Variants in IBTK observed in about 807,000 individuals in gnomAD.
IBTK encodes BTK-binding protein.
Under a neutral mutation model 154.9 loss-of-function variants are expected in IBTK, and 83 were observed. The ratio of observed to expected loss-of-function variants is 0.54; its 90% CI spans 0.45 to 0.64. The LOEUF is 0.64. Among genes scored for constraint, IBTK ranks in the 30% least tolerant of loss-of-function variants. The probability of loss-of-function intolerance (pLI) is 0.00; values close to 1 mark genes in which losing one functional copy is unlikely to be tolerated. For synonymous variants in IBTK, 515 were observed against 536.1 expected (o/e 0.96, Z 0.54); for missense variants, 1,332 against 1,584.6 (o/e 0.84, Z 2.71).
At chr6:82,207,044 T>C (rs538690719) in intron 16 of IBTK, among the ~76,000 whole-genome samples, 1 of 152,268 alleles carries the variant, frequency 6.6e-6, no homozygotes, top group South Asian at 2.1e-4. Context: ...CAACCACTGT[T>C]GCCACTTCTA....
intron 25 of IBTK, among the ~76,000 whole-genome samples, chr6:82,186,812 A>G (rs1768573838): frequency 2.0e-5 from 3 of 152,142 alleles, no homozygotes; most frequent in Non-Finnish European, 4.4e-5. Context: ...GTACTAAGAT[A>G]CATAAAACTC....
At chr6:82,223,321 CTCAT>C in intron 8 of IBTK, 115 bp downstream of exon 8, 1 of 729,396 alleles carries the variant, frequency 1.4e-6, no homozygotes, top group East Asian at 3.1e-5. Context: ...GATGTTTTTC[CTCAT>C]TCAATTTTTT....
chr6:82,174,748 A>G, intron 26 of IBTK: 1 of 319,522 alleles, frequency 3.1e-6, no homozygotes, highest in Non-Finnish European at 6.1e-6. Flanking sequence ...TGAAGAAAGC[A>G]TATATTAACT....
intron 1 of IBTK, among the ~76,000 whole-genome samples, 176 bp from the exon 2 acceptor site, chr6:82,241,019 T>C (rs1040654631): frequency 6.6e-6 from 1 of 152,176 alleles, no homozygotes; most frequent in East Asian, 1.9e-4. Flanking sequence ...CTCAAGGTCA[T>C]CGCCAAGATC....
intron 16 of IBTK, among the ~76,000 whole-genome samples, chr6:82,207,317 A>T (rs186734408): frequency 4.6e-5 from 7 of 152,282 alleles, no homozygotes; most frequent in African/African-American, 1.2e-4. Context: ...AAATAAAATT[A>T]AAAAAATTTC....
At chr6:82,232,065 T>G (rs923200205) in intron 3 of IBTK, among the ~76,000 whole-genome samples, 89 of 144,482 alleles carry the variant, frequency 6.2e-4, no homozygotes, top group African/African-American at 1.7e-3. Context: ...TGTTGTTGTT[T>G]TTTTTTAATA....
chr6:82,224,412 T>C (rs1458565273), intron 6 of IBTK, among the ~76,000 whole-genome samples: 2 of 152,226 alleles, frequency 1.3e-5, no homozygotes, highest in African/African-American at 4.8e-5. Flanking sequence ...AGTTTTAACA[T>C]ATAGAAAATT....
intron 25 of IBTK, among the ~76,000 whole-genome samples, chr6:82,187,702 G>A (rs1342132847): frequency 6.6e-6 from 1 of 152,152 alleles, no homozygotes; most frequent in African/African-American, 2.4e-5. Flanking sequence ...TGGAGACAGA[G>A]TATGTATCAA....
Position 82,211,557 on chromosome 6 carries a change from G to A in IBTK, c.2307C>T (p.Asp769=), listed in dbSNP as rs184558709. The change falls in exon 14 of 29, where the codon GAC becomes GAT. Residue 769 remains aspartate, a synonymous_variant. Coordinates refer to ENST00000306270, the MANE Select transcript of IBTK (RefSeq NM_015525.4). ...TTCCATCCACTGATTTCATGGTCACGTCACACAGAAATGAACTGCAAGAAA... is the reference window on the plus strand; with the variant it reads ...TTCCATCCACTGATTTCATGGTCACATCACACAGAAATGAACTGCAAGAAA... ...LSQKKCSFLC[D]VTMKSVDGKE... 4.5e-4 allele frequency: 725 copies of A among 1,612,952 alleles called. 1 individual carries two copies. The highest frequency in any genetic ancestry group is 1.2e-3 in the Admixed American group (72 of 60,012).
chr6:82,194,870 T>C (rs972102258), intron 22 of IBTK, among the ~76,000 whole-genome samples: 7 of 152,186 alleles, frequency 4.6e-5, no homozygotes, highest in African/African-American at 1.4e-4. Flanking sequence ...AAAATAATTT[T>C]TAGGGAAACT....
Position 82,240,966 on chromosome 6 carries a change from T to G in IBTK, c.-357-123A>C, listed in dbSNP as rs746439770. 5.6e-5 allele frequency: 22 copies of G among 395,454 alleles called. 1 individual carries two copies. The highest frequency in any genetic ancestry group is 2.8e-4 in the South Asian group (2 of 7,210). 24.5% of individuals were successfully genotyped at this position (395,454 alleles called of 1,614,324 possible). A position where few individuals can be genotyped will look rare whatever the true frequency, so the allele number is the denominator to read the frequency against. On this transcript the variant is annotated intron_variant, in intron 1 of 28. Transcript: ENST00000306270. ...TAACCCATTTATGCTTAGTGTTCCA[T>G]TACTGGAACACTAAGCTTACGGGAG...
Position 82,240,587 on chromosome 6 carries a change from T to A in IBTK, c.-101A>T, listed in dbSNP as rs1347671408. On this transcript the variant is annotated 5_prime_UTR_variant, in exon 2 of 29. Transcript: ENST00000306270. The stretch of plus-strand genomic sequence containing the variant: ...GTGCTATTGAGGAAGTTACAGAGAA[T>A]AAATTACCTTTTTAGGATAATTTAA... 1.1e-6 allele frequency: 1 copy of A among 902,614 alleles called. No individual in the cohort carries two copies. The highest frequency in any genetic ancestry group is 1.7e-6 in the Non-Finnish European group (1 of 591,328). The allele number at this position is 902,614 out of a possible 1,614,324, so 55.9% of individuals were successfully genotyped here. A position where few individuals can be genotyped will look rare whatever the true frequency, so the allele number is the denominator to read the frequency against.
intron 25 of IBTK, among the ~76,000 whole-genome samples, chr6:82,185,670 T>C (rs1768525580): frequency 6.6e-6 from 1 of 151,956 alleles, no homozygotes; most frequent in South Asian, 2.1e-4. Flanking sequence ...AAAAATCAAG[T>C]GATATACTGA....
intron 25 of IBTK, among the ~76,000 whole-genome samples, chr6:82,182,278 C>T (rs1768350386): frequency 6.6e-6 from 1 of 151,690 alleles, no homozygotes; most frequent in South Asian, 2.1e-4. Context: ...ATAGCTATTA[C>T]AATTATGCAT....
At chr6:82,229,814 C>T (rs1770439821) in intron 4 of IBTK, among the ~76,000 whole-genome samples, 1 of 152,128 alleles carries the variant, frequency 6.6e-6, no homozygotes, top group Admixed American at 6.6e-5. Context: ...TTTCATGACA[C>T]CATTCTACTC....
intron 23 of IBTK, among the ~76,000 whole-genome samples, chr6:82,194,192 T>A (rs1422777083): frequency 6.6e-6 from 1 of 152,154 alleles, no homozygotes; most frequent in African/African-American, 2.4e-5. Context: ...CAATACATAT[T>A]ATCTAAGAAA....
intron 1 of IBTK, among the ~76,000 whole-genome samples, chr6:82,243,400 T>C (rs1481637655): frequency 6.6e-6 from 1 of 152,188 alleles, no homozygotes; most frequent in African/African-American, 2.4e-5. Context: ...TCCAAAAATA[T>C]TAAATGAAAA....
rs530631055 is a variant in IBTK, at chr6:82,178,665, TTAGAG to T, written c.3725+3209_3725+3213del. ...ATTAAACATACAAACATGAAAATAC[TTAGAG>T]TAGACAAATATTAAAGAATCACACT... On this transcript the variant is annotated intron_variant, in intron 26 of 28. Transcript: ENST00000306270. Among the ~76,000 whole-genome samples the T allele has an allele frequency of 4.6e-5, 7 of 152,280 alleles. No homozygotes were observed. In the East Asian group the frequency reaches 1.3e-3, roughly 29 times the overall value.
chr6:82,204,496 GA>G (rs1769323754), intron 17 of IBTK, among the ~76,000 whole-genome samples: 1 of 152,056 alleles, frequency 6.6e-6, no homozygotes, highest in African/African-American at 2.4e-5. Context: ...GCAAATAGTA[GA>G]AAATGGGTAG....
Sources: allele counts gnomAD v4.1 joint callset (sites outside exome capture counted in the v4.1 genomes callset), GRCh38; gene constraint gnomAD v4.1.1; transcripts MANE v1.5; gene names NCBI Gene and HGNC (gene_info 2026-07-23, HGNC 2026-07-21).